The following EEF2K variants were observed in gnomAD, a reference collection of about 807,000 sequenced individuals.
EEF2K encodes the protein eukaryotic elongation factor 2 kinase, also known as alternative protein EEF2K.
In EEF2K, 70 loss-of-function variants were observed where a neutral mutation model predicts 93.8. The ratio of observed to expected loss-of-function variants is 0.75; its 90% CI spans 0.62 to 0.91. EEF2K has a LOEUF of 0.91. Ranked by LOEUF, EEF2K falls within the 40% of genes least tolerant of loss-of-function variation. The pLI, the probability that EEF2K is intolerant of heterozygous loss-of-function variation, is 0.00. For missense variants in EEF2K, 935 were observed against 972.9 expected, an observed-to-expected ratio of 0.96 and a Z score of 0.52; for synonymous variants, 376 against 380.8, an observed-to-expected ratio of 0.99 and a Z score of 0.15.
At chr16:22,247,543 T>C (rs185295041) in intron 3 of EEF2K, among the ~76,000 whole-genome samples, 31 of 152,200 alleles carry the variant, frequency 2.0e-4, no homozygotes, top group Non-Finnish European at 3.7e-4. Context: ...AAAGGGGTCC[T>C]ACTCCATACA....
intron 1 of EEF2K, among the ~76,000 whole-genome samples, 170 bp from the exon 2 acceptor site, chr16:22,225,484 G>A (rs973289155): frequency 2.0e-5 from 3 of 152,148 alleles, no homozygotes; most frequent in Non-Finnish European, 2.9e-5. Context: ...AGCGGGTTTC[G>A]AATTTAAAAT....
rs570722430 is a variant in EEF2K, at chr16:22,248,229, TA to T, written c.348-524del. Among the ~76,000 whole-genome samples the T allele has an allele frequency of 4.7e-3, 718 of 152,114 alleles. 8 individuals carry two copies. Among genetic ancestry groups the T allele is most frequent in the African/African-American group, 0.017 (686 of 41,504 alleles). ...ACAGGCATGCACCACCATGCTCGGC[TA>T]ATTTTTGTATTTTTAGTGCAGGCAG... On this transcript the variant is annotated intron_variant, in intron 3 of 17. Transcript: ENST00000263026.
intron 3 of EEF2K, among the ~76,000 whole-genome samples, chr16:22,246,515 TAAAAAAA>T (rs746408835): frequency 9.9e-5 from 7 of 70,506 alleles, no homozygotes; most frequent in African/African-American, 4.4e-4. Context: ...GACTCAGTCT[TAAAAAAA>T]AAAAAAAAAA....
At chr16:22,264,524 G>A (rs2047498125) in intron 12 of EEF2K, among the ~76,000 whole-genome samples, 2 of 152,038 alleles carry the variant, frequency 1.3e-5, no homozygotes, top group Non-Finnish European at 2.9e-5. Context: ...TACCCCAGTG[G>A]CTTTGTGTTG....
chr16:22,231,089 CT>C (rs996638573), intron 2 of EEF2K, among the ~76,000 whole-genome samples: 3 of 148,422 alleles, frequency 2.0e-5, no homozygotes, highest in Admixed American at 6.8e-5. Context: ...TAGTATGATG[CT>C]TTTTTTTTTC....
intron 16 of EEF2K, among the ~76,000 whole-genome samples, chr16:22,277,119 AT>A (rs1273331609): frequency 1.3e-5 from 2 of 152,128 alleles, no homozygotes; most frequent in Non-Finnish European, 2.9e-5. Context: ...CAAATGGTCC[AT>A]TTTTTAAATT....
chr16:22,249,703 G>A (rs1055385544), intron 4 of EEF2K, among the ~76,000 whole-genome samples: 12 of 151,998 alleles, frequency 7.9e-5, no homozygotes, highest in African/African-American at 2.9e-4. Context: ...GAACTCCTGG[G>A]CTCAAGCAAT....
intron 3 of EEF2K, among the ~76,000 whole-genome samples, chr16:22,247,277 C>T (rs1423241760): frequency 6.7e-6 from 1 of 149,730 alleles, no homozygotes. Context: ...TCCATCTCTA[C>T]AAAAATACAA....
Position 22,287,442 on chromosome 16 carries a change from G to A in EEF2K, c.*3446G>A, listed in dbSNP as rs1353183807. On this transcript the variant is annotated 3_prime_UTR_variant, in exon 18 of 18. Transcript: ENST00000263026. ...GTGCAAGAAGCAGGTGAAAGCCCAG[G>A]AAATTGGCAGAGCCAGGATTATCAT... 1.3e-5 allele frequency: 2 copies of A among 152,230 alleles called. No homozygotes were observed. Among genetic ancestry groups the A allele is most frequent in the African/African-American group, 2.4e-5 (1 of 41,464 alleles). The allele number at this position is 152,230 out of a possible 1,614,324, so 9.4% of individuals were successfully genotyped here.
In EEF2K at chr16:22,256,871, G is replaced by A. The variant is rs777389157; in HGVS notation, c.742G>A (p.Asp248Asn). Residue 248 changes from aspartate (D) to asparagine (N), a missense_variant, in exon 7 of 18, where the codon GAT becomes AAT. Transcript: ENST00000263026. ...KYNSNSGFVR[D>N]DNIRLTPQAF... ...CAACTCCAACTCTGGCTTTGTCCGC[G>A]ATGACAACATCCGCCTGACGCCGCA... 1.2e-5 allele frequency: 20 copies of A among 1,614,028 alleles called. No homozygotes were observed. Among genetic ancestry groups the A allele is most frequent in the African/African-American group, 9.3e-5 (7 of 74,930 alleles).
intron 1 of EEF2K, among the ~76,000 whole-genome samples, chr16:22,210,855 C>T (rs1001652599): frequency 2.0e-5 from 3 of 152,062 alleles, no homozygotes; most frequent in African/African-American, 7.2e-5. Flanking sequence ...GGAGTGCCTG[C>T]CTTCTAGGGA....
intron 1 of EEF2K, among the ~76,000 whole-genome samples, chr16:22,208,232 T>A (rs2046882930): frequency 1.3e-5 from 2 of 152,104 alleles, no homozygotes; most frequent in South Asian, 4.1e-4. Context: ...GAGCTACCGG[T>A]GTTTTGGGCC....
At chr16:22,279,079 C>G (rs138610229) in intron 16 of EEF2K, among the ~76,000 whole-genome samples, 1 of 152,236 alleles carries the variant, frequency 6.6e-6, no homozygotes, top group Non-Finnish European at 1.5e-5. Flanking sequence ...CTAGGACACT[C>G]AGGCATTGCT....
rs1286482902 is a variant in EEF2K, at chr16:22,285,986, GC to G, written c.*1993del. 8 of 152,294 alleles carry G rather than the reference GC, an allele frequency of 5.3e-5. No homozygotes were observed. Among genetic ancestry groups the G allele is most frequent in the African/African-American group, 1.9e-4 (8 of 41,560 alleles). The allele number at this position is 152,294 out of a possible 1,614,324, so 9.4% of individuals were successfully genotyped here. A position where few individuals can be genotyped will look rare whatever the true frequency, so the allele number is the denominator to read the frequency against. On this transcript the variant is annotated 3_prime_UTR_variant, in exon 18 of 18. Transcript: ENST00000263026. ...TGGGATTACAGGCAGGAGCCACTGA[GC>G]CCAGCCAAGACTTCAGTGTTGACTG...
intron 2 of EEF2K, among the ~76,000 whole-genome samples, chr16:22,243,372 C>A (rs1295845067): frequency 1.3e-5 from 2 of 151,522 alleles, no homozygotes; most frequent in Admixed American, 1.3e-4. Context: ...CTCTCTCAGC[C>A]TCCCAAGTAG....
chr16:22,214,221 C>A (rs961216628), intron 1 of EEF2K, among the ~76,000 whole-genome samples: 1 of 152,128 alleles, frequency 6.6e-6, no homozygotes, highest in Non-Finnish European at 1.5e-5. Context: ...TGTTAGCTGA[C>A]CCCTGTTTAC....
At chr16:22,258,380 C>T (rs2047428397) in intron 9 of EEF2K, 114 bp from the exon 10 acceptor site, 1 of 1,084,188 alleles carries the variant, frequency 9.2e-7, no homozygotes, top group South Asian at 1.5e-5. Context: ...CCTAAACAGG[C>T]ATGTTTAGGA....
intron 1 of EEF2K, among the ~76,000 whole-genome samples, chr16:22,207,680 G>A (rs138499975): frequency 0.021 from 3,157 of 152,178 alleles, 62 homozygotes; most frequent in Middle Eastern, 0.041. Flanking sequence ...ATTGAGTCAC[G>A]TAGTCTATCC....
At chr16:22,261,587 G>A (rs1172448306) in intron 11 of EEF2K, among the ~76,000 whole-genome samples, 1 of 151,994 alleles carries the variant, frequency 6.6e-6, no homozygotes, top group Non-Finnish European at 1.5e-5. Flanking sequence ...CTACTCAGGA[G>A]GCTGAGGCAC....
Sources: gnomAD v4.1 joint callset for allele counts (sites outside exome capture counted in the v4.1 genomes callset) on GRCh38, gnomAD v4.1.1 for gene constraint, MANE v1.5 for transcripts, NCBI Gene and HGNC (gene_info 2026-07-23, HGNC 2026-07-21) for gene names.